Variants in SUGCT observed in about 807,000 individuals in gnomAD.
SUGCT encodes succinyl-CoA:glutarate CoA-transferase.
In SUGCT, 41 loss-of-function variants were observed where a neutral mutation model predicts 55.0. The ratio of observed to expected loss-of-function variants is 0.74; its 90% CI spans 0.58 to 0.97. SUGCT has a LOEUF of 0.97. Ranked by LOEUF, SUGCT falls within the 50% of genes least tolerant of loss-of-function variation. SUGCT has a pLI of 0.00. For synonymous variants in SUGCT, 187 were observed against 200.4 expected (o/e 0.93, Z 0.56); for missense variants, 568 against 547.8 (o/e 1.04, Z -0.37).
chr7:40,601,370 T>A (rs918574352), intron 12 of SUGCT, among the ~76,000 whole-genome samples: 3 of 152,232 alleles, frequency 2.0e-5, no homozygotes, highest in African/African-American at 7.2e-5. Context: ...CCCTGTGGAC[T>A]GTAACCGTCA....
intron 12 of SUGCT, among the ~76,000 whole-genome samples, chr7:40,639,514 T>G (rs1210969282): frequency 1.0e-5 from 1 of 95,620 alleles, no homozygotes; most frequent in Admixed American, 9.3e-5. Context: ...CTTTTTCAGA[T>G]TTTTTTTTTT....
chr7:40,351,518 T>C (rs548605175), intron 9 of SUGCT, among the ~76,000 whole-genome samples: 5 of 152,342 alleles, frequency 3.3e-5, no homozygotes, highest in Non-Finnish European at 7.4e-5. Context: ...ACTACTCTTA[T>C]AAGATTTTCA....
chr7:40,245,673 C>T (rs969141605), intron 7 of SUGCT, among the ~76,000 whole-genome samples: 10 of 148,742 alleles, frequency 6.7e-5, no homozygotes, highest in African/African-American at 2.5e-4. Context: ...CTCCTGACCT[C>T]GTGATCCACC....
Position 40,809,695 on chromosome 7 carries a change from T to A in SUGCT, c.1154-50621T>A, listed in dbSNP as rs142679270. On this transcript the variant is annotated intron_variant, in intron 13 of 13. Transcript: ENST00000335693. ...TTTGTTATCTGGGTATGTTGTGTGA[T>A]GCTGAGGTTTGGGATATGAATGATC... Among the ~76,000 whole-genome samples, 17 of 152,266 alleles carry A rather than the reference T, an allele frequency of 1.1e-4. No individual in the cohort carries two copies. In the East Asian group the frequency reaches 3.3e-3, roughly 29 times the overall value.
In SUGCT at chr7:40,499,453, A is replaced by C. The variant is rs141254368; in HGVS notation, c.1089+3067A>C. 77 of 195,096 alleles carry C rather than the reference A, an allele frequency of 3.9e-4. No homozygotes were observed. In the East Asian group the frequency reaches 0.011, roughly 27 times the overall value. 12.1% of individuals were successfully genotyped at this position (195,096 alleles called of 1,614,324 possible). ...TTGAGGTAACTTGATTTTTCGATTC[A>C]ATCAAAACAACAGATGATATTTTTT... On this transcript the variant is annotated intron_variant, in intron 12 of 13. Transcript: ENST00000335693.
intron 12 of SUGCT, among the ~76,000 whole-genome samples, chr7:40,608,047 G>C (rs897284029): frequency 2.6e-5 from 4 of 152,136 alleles, no homozygotes; most frequent in Non-Finnish European, 2.9e-5. Flanking sequence ...CTGATATTCT[G>C]CATTACCCTG....
chr7:40,212,287 T>TAGTG (rs1787385657), intron 6 of SUGCT, among the ~76,000 whole-genome samples: 1 of 151,192 alleles, frequency 6.6e-6, no homozygotes, highest in South Asian at 2.1e-4. Flanking sequence ...TAGCTGGGAA[T>TAGTG]AGTGGCACAT....
At chr7:40,943,028 A>C in the SUGCT span, among the ~76,000 whole-genome samples, 1 of 151,826 alleles carries the variant, frequency 6.6e-6, no homozygotes, top group Non-Finnish European at 1.5e-5. Context: ...GAGTAACTTA[A>C]TAATCAACCT....
At chr7:41,014,925 A>C in the SUGCT span, among the ~76,000 whole-genome samples, 2 of 152,238 alleles carry the variant, frequency 1.3e-5, no homozygotes, top group African/African-American at 4.8e-5. Flanking sequence ...AGCATGCAGC[A>C]TATGGATGAC....
intron 12 of SUGCT, among the ~76,000 whole-genome samples, chr7:40,648,096 A>C (rs1800612539): frequency 6.6e-6 from 1 of 152,224 alleles, no homozygotes; most frequent in Non-Finnish European, 1.5e-5. Flanking sequence ...AAAGCGTTTT[A>C]ACTGTAATAA....
chr7:40,362,147 A>G (rs1340182465), intron 9 of SUGCT, among the ~76,000 whole-genome samples: 1 of 152,066 alleles, frequency 6.6e-6, no homozygotes, highest in Non-Finnish European at 1.5e-5. Flanking sequence ...TGCCCGGCGC[A>G]GTGGCTATCG....
intron 9 of SUGCT, among the ~76,000 whole-genome samples, chr7:40,447,573 A>G (rs375840369): frequency 6.6e-6 from 1 of 152,140 alleles, no homozygotes; most frequent in African/African-American, 2.4e-5. Context: ...TCATTATAGA[A>G]GAAGGGAACA....
intron 9 of SUGCT, among the ~76,000 whole-genome samples, chr7:40,352,871 C>G (rs1287090895): frequency 6.6e-6 from 1 of 152,150 alleles, no homozygotes; most frequent in Non-Finnish European, 1.5e-5. Flanking sequence ...TCCACCCTAT[C>G]TGAACTAATT....
chr7:40,630,947 G>A (rs1422759764), intron 12 of SUGCT, among the ~76,000 whole-genome samples: 1 of 152,142 alleles, frequency 6.6e-6, no homozygotes, highest in Non-Finnish European at 1.5e-5. Context: ...ATGGGTGTCA[G>A]TATCTCTGTT....
intron 12 of SUGCT, among the ~76,000 whole-genome samples, chr7:40,576,566 T>C (rs190589341): frequency 3.3e-5 from 5 of 152,266 alleles, no homozygotes; most frequent in African/African-American, 9.6e-5. Context: ...TACAAGGGCA[T>C]AGGGCATGGC....
intron 8 of SUGCT, among the ~76,000 whole-genome samples, chr7:40,279,376 G>C (rs1792797921): frequency 1.3e-5 from 2 of 152,138 alleles, no homozygotes; most frequent in Non-Finnish European, 2.9e-5. Flanking sequence ...CACCCAAACT[G>C]TGTGGCTGAG....
At chr7:40,755,150 C>A (rs891073817) in intron 13 of SUGCT, among the ~76,000 whole-genome samples, 1 of 151,736 alleles carries the variant, frequency 6.6e-6, no homozygotes, top group Non-Finnish European at 1.5e-5. Context: ...AAATACAAAT[C>A]AAAAAAAATT....
chr7:40,329,903 C>G (rs17437557), intron 9 of SUGCT, among the ~76,000 whole-genome samples: 17,789 of 152,206 alleles, frequency 0.12, 1,207 homozygotes, highest in South Asian at 0.19. Flanking sequence ...CTATCATTCT[C>G]TATGGTTCAA....
chr7:40,250,530 A>AGTT (rs1459759377), intron 7 of SUGCT, among the ~76,000 whole-genome samples: 3 of 152,098 alleles, frequency 2.0e-5, no homozygotes, highest in Non-Finnish European at 2.9e-5. Context: ...TAGTGTTAAT[A>AGTT]GTTGGTAAGC....
Sources: allele counts gnomAD v4.1 joint callset (sites outside exome capture counted in the v4.1 genomes callset), GRCh38; gene constraint gnomAD v4.1.1; transcripts MANE v1.5; gene names NCBI Gene and HGNC (gene_info 2026-07-23, HGNC 2026-07-21).